The following MYO1B variants were observed in gnomAD, a reference collection of about 807,000 sequenced individuals.
MYO1B encodes unconventional myosin-Ib.
Under a neutral mutation model 159.7 loss-of-function variants are expected in MYO1B, and 72 were observed. The observed-to-expected ratio is 0.45, with a 90% CI of 0.37 to 0.55. The LOEUF (loss-of-function observed/expected upper bound fraction) is 0.55. Ranked by LOEUF, MYO1B falls within the 20% of genes least tolerant of loss-of-function variation. The pLI, the probability that MYO1B is intolerant of heterozygous loss-of-function variation, is 0.00. For missense variants in MYO1B, 1,062 were observed against 1,364.8 expected (o/e 0.78, Z 3.50); for synonymous variants, 468 against 473.8 (o/e 0.99, Z 0.16).
rs1209752867 is a variant in MYO1B, at chr2:191,292,511, A to G, written c.136-3600A>G. ...AATAGAAAGGAATGTGTGGATTGCTATAAGAGGTTGTGAAGACCAAAGTTT... is the reference window on the plus strand; with the variant it reads ...AATAGAAAGGAATGTGTGGATTGCTGTAAGAGGTTGTGAAGACCAAAGTTT... On this transcript the variant is annotated intron_variant, in intron 2 of 30. Transcript: ENST00000392318. 3.3e-5 allele frequency among the ~76,000 whole-genome samples: 5 copies of G among 152,188 alleles called. No homozygotes were observed. In the East Asian group the frequency reaches 5.8e-4, roughly 18 times the overall value.
At chr2:191,348,241 C>G (rs573916910) in intron 6 of MYO1B, among the ~76,000 whole-genome samples, 2 of 152,260 alleles carry the variant, frequency 1.3e-5, no homozygotes, top group East Asian at 3.9e-4. Context: ...TTATTCTACT[C>G]TCCTCAAACA....
chr2:191,383,345 G>C lies in MYO1B; in HGVS notation c.1353+3G>C. 6.4e-7 allele frequency: 1 copy of C among 1,563,852 alleles called. No homozygotes were observed. Among genetic ancestry groups the C allele is most frequent in the Non-Finnish European group, 8.7e-7 (1 of 1,154,438 alleles). On this transcript the variant is annotated splice_donor_region_variant and intron_variant, in intron 15 of 30. Coordinates refer to ENST00000392318, the MANE Select transcript of MYO1B (RefSeq NM_001130158.3). ...TCATTTGTGACCTAATAGAAAATGTGAGTACTTAGGTACAGTTTTCTAAAG... is the reference window on the plus strand; with the variant it reads ...TCATTTGTGACCTAATAGAAAATGTCAGTACTTAGGTACAGTTTTCTAAAG...
Position 191,416,414 on chromosome 2 carries a change from A to G in MYO1B, c.3287+172A>G, listed in dbSNP as rs988642863. ...TGACACTGACCAAGTCTCCAACCTCATGTACCTGACATCCTAGTGGAAGAG... is the reference window on the plus strand; with the variant it reads ...TGACACTGACCAAGTCTCCAACCTCGTGTACCTGACATCCTAGTGGAAGAG... On this transcript the variant is annotated intron_variant, in intron 30 of 30. Coordinates refer to ENST00000392318, the MANE Select transcript of MYO1B (RefSeq NM_001130158.3). The G allele has an allele frequency of 4.4e-6, 3 of 681,462 alleles. No individual in the cohort carries two copies. In the Admixed American group the frequency reaches 8.4e-5, roughly 19 times the overall value. 42.2% of individuals were successfully genotyped at this position (681,462 alleles called of 1,614,324 possible). A position where few individuals can be genotyped will look rare whatever the true frequency, so the allele number is the denominator to read the frequency against.
chr2:191,355,972 T>C (rs551500951), intron 7 of MYO1B, among the ~76,000 whole-genome samples: 12 of 152,216 alleles, frequency 7.9e-5, no homozygotes, highest in Non-Finnish European at 1.5e-4. Flanking sequence ...TGGCACATTG[T>C]TTAATCTGTG....
At chr2:191,299,704 C>A (rs984865907) in intron 3 of MYO1B, among the ~76,000 whole-genome samples, 2 of 152,122 alleles carry the variant, frequency 1.3e-5, no homozygotes, top group African/African-American at 4.8e-5. Context: ...GGGTTCAAGT[C>A]CCAGGTCTTC....
chr2:191,338,312 A>G (rs1182347031), intron 4 of MYO1B, among the ~76,000 whole-genome samples: 1 of 152,236 alleles, frequency 6.6e-6, no homozygotes, highest in Non-Finnish European at 1.5e-5. Flanking sequence ...TAAATTATTA[A>G]AACAGCTTGA....
rs755427456 is a variant in MYO1B at position 191,416,130 on chromosome 2, A to G, written c.3175A>G (p.Ser1059Gly). The G allele has an allele frequency of 6.2e-6, 10 of 1,614,154 alleles. No individual in the cohort carries two copies. The South Asian group carries it at 9.9e-5, about 16-fold the overall frequency. ...VHLKEGSEAA[S>G]KGDFLFSSDH... ...GTCCTTGCAGGGCTCAGAAGCAGCT[A>G]GTAAAGGAGACTTTCTCTTCAGCAG... Residue 1059 changes from serine to glycine, a missense_variant, in exon 30 of 31, where the codon AGT becomes GGT. By Grantham distance (56) the Ser-to-Gly change is moderately conservative. Transcript: ENST00000392318.
chr2:191,402,696 G>T lies in MYO1B; in HGVS notation c.2534G>T (p.Trp845Leu). 2 of 1,613,378 alleles carry T rather than the reference G, an allele frequency of 1.2e-6. No individual in the cohort carries two copies. The highest frequency in any genetic ancestry group is 1.7e-6 in the Non-Finnish European group (2 of 1,179,692). The change falls in exon 24 of 31, where the codon TGG (tryptophan) becomes TTG (leucine). Residue 845 changes from tryptophan to leucine, a missense_variant. Trp to Leu is a moderately conservative substitution (Grantham distance 61). Coordinates refer to ENST00000392318, the MANE Select transcript of MYO1B (RefSeq NM_001130158.3). Reference sequence around the variant, plus strand: ...CGTAAGCATGCAGTTGCTGTCATTTGGGCTTACTGGCTTGGACTGAAGGTA... The same window carrying T: ...CGTAAGCATGCAGTTGCTGTCATTTTGGCTTACTGGCTTGGACTGAAGGTA... Reference protein sequence around the residue: ...ARRKHAVAVIWAYWLGLKVRR... With the variant: ...ARRKHAVAVILAYWLGLKVRR...
intron 3 of MYO1B, among the ~76,000 whole-genome samples, chr2:191,298,671 A>C (rs1417152423): frequency 1.3e-5 from 2 of 152,212 alleles, no homozygotes; most frequent in African/African-American, 2.4e-5. Context: ...AATAATAGTA[A>C]TAATAAAAGT....
rs757307421 is a variant in MYO1B at position 191,362,250 on chromosome 2, G to A, written c.662-18G>A. On this transcript the variant is annotated intron_variant, in intron 8 of 30. Transcript: ENST00000392318. ...ATTTATTGAAGCAACTTAACAACTT[G>A]TGTCTTTGATTCAATAGATAAACTT... 89 of 1,594,810 alleles carry A rather than the reference G, an allele frequency of 5.6e-5. No individual in the cohort carries two copies. Among genetic ancestry groups the A allele is most frequent in the Non-Finnish European group, 6.7e-5 (78 of 1,163,202 alleles).
At chr2:191,361,054 C>T (rs1693639694) in intron 8 of MYO1B, among the ~76,000 whole-genome samples, 1 of 152,076 alleles carries the variant, frequency 6.6e-6, no homozygotes, top group Non-Finnish European at 1.5e-5. Flanking sequence ...TTCTACCACA[C>T]CCCAGGGTTT....
At chr2:191,334,983 T>C (rs115835772) in intron 4 of MYO1B, among the ~76,000 whole-genome samples, 4,744 of 151,654 alleles carry the variant, frequency 0.031, 80 homozygotes, top group Middle Eastern at 0.044. Context: ...ATTGACCAAC[T>C]TGGAGTCGTG....
At position 191,360,751 on chromosome 2, in the gene MYO1B, GTGTTGTTGTTGT is replaced by G. The variant is rs71403288; in HGVS notation, c.661+49_661+60del. On this transcript the variant is annotated intron_variant, in intron 8 of 30. Coordinates refer to ENST00000392318, the MANE Select transcript of MYO1B (RefSeq NM_001130158.3). Reference sequence around the variant, plus strand: ...CTCAGTAAGTCTCTGTTTCTATGTGGTGTTGTTGTTGTTGTTGTTGTTGTTGTTGTTGTTGTT... The same window carrying G: ...CTCAGTAAGTCTCTGTTTCTATGTGGTGTTGTTGTTGTTGTTGTTGTTGTT... 4.7e-5 allele frequency: 53 copies of G among 1,118,302 alleles called. No individual in the cohort carries two copies. The African/African-American group carries it at 5.2e-4, about 11-fold the overall frequency. The allele number at this position is 1,118,302 out of a possible 1,614,324, so 69.3% of individuals were successfully genotyped here.
intron 2 of MYO1B, among the ~76,000 whole-genome samples, chr2:191,280,997 G>A (rs1688026904): frequency 2.0e-5 from 3 of 152,218 alleles, no homozygotes; most frequent in Non-Finnish European, 1.5e-5. Flanking sequence ...GAACTCTGGA[G>A]CATGGTCGAA....
chr2:191,357,491 T>C (rs1214446295), intron 7 of MYO1B, among the ~76,000 whole-genome samples: 1 of 152,252 alleles, frequency 6.6e-6, no homozygotes, highest in Non-Finnish European at 1.5e-5. Flanking sequence ...AAATTTATGC[T>C]AAATTTAATA....
At chr2:191,261,140 C>T (rs1188644678) in intron 1 of MYO1B, among the ~76,000 whole-genome samples, 2 of 152,198 alleles carry the variant, frequency 1.3e-5, no homozygotes, top group Non-Finnish European at 2.9e-5. Flanking sequence ...TCTTGAGTTT[C>T]TTTTCCCACC....
intron 9 of MYO1B, among the ~76,000 whole-genome samples, chr2:191,363,038 A>G (rs976826518): frequency 6.6e-6 from 1 of 152,236 alleles, no homozygotes; most frequent in Admixed American, 6.5e-5. Flanking sequence ...ATGTTTGACA[A>G]CAATAACAAA....
chr2:191,279,869 G>C (rs1042805289), intron 2 of MYO1B, among the ~76,000 whole-genome samples: 1 of 152,100 alleles, frequency 6.6e-6, no homozygotes, highest in African/African-American at 2.4e-5. Flanking sequence ...ACAGTAATTT[G>C]TATGTTTAGA....
At chr2:191,321,251 G>A (rs993111021) in intron 3 of MYO1B, among the ~76,000 whole-genome samples, 9 of 152,154 alleles carry the variant, frequency 5.9e-5, no homozygotes, top group Non-Finnish European at 4.4e-5. Context: ...ATTAAATTTA[G>A]CATTAAGTTG....
Sources: gnomAD v4.1 joint callset for allele counts (sites outside exome capture counted in the v4.1 genomes callset) on GRCh38, gnomAD v4.1.1 for gene constraint, MANE v1.5 for transcripts, NCBI Gene and HGNC (gene_info 2026-07-23, HGNC 2026-07-21) for gene names.